CNTNAP2: variants seen among roughly 807,000 people sequenced by gnomAD.
CNTNAP2 encodes contactin-associated protein-like 2.
CNTNAP2 carries 98 observed loss-of-function variants against 155.2 expected under a neutral mutation model. The ratio of observed to expected loss-of-function variants is 0.63; its 90% CI spans 0.54 to 0.75. CNTNAP2 has a LOEUF of 0.75. CNTNAP2 is among the 30% of genes least tolerant of loss of function. The pLI is 0.00. For missense variants in CNTNAP2, 1,727 were observed against 1,688.1 expected (o/e 1.02, Z -0.40); for synonymous variants, 651 against 631.2 (o/e 1.03, Z -0.47).
At chr7:146,846,122 G>A (rs566183030) in intron 3 of CNTNAP2, among the ~76,000 whole-genome samples, 8 of 152,136 alleles carry the variant, frequency 5.3e-5, no homozygotes, top group South Asian at 2.1e-4. Context: ...CCATCCTGTC[G>A]CCTGCCCCTA....
chr7:147,407,467 CAAAAAAAAAAAAAAAAAAAAA>C (rs768738493), intron 10 of CNTNAP2, among the ~76,000 whole-genome samples: 12 of 64,904 alleles, frequency 1.8e-4, no homozygotes, highest in Middle Eastern at 0.013. Context: ...GACTCCCTCT[CAAAAAAAAAAAAAAAAAAAAA>C]AAAAAAAAAA....
At chr7:147,537,286 T>G (rs932354233) in intron 11 of CNTNAP2, among the ~76,000 whole-genome samples, 3 of 115,198 alleles carry the variant, frequency 2.6e-5, no homozygotes, top group East Asian at 6.2e-4. Context: ...ATTAAATTAT[T>G]TTGATTATTA....
chr7:146,725,370 A>G (rs1226079229), intron 1 of CNTNAP2, among the ~76,000 whole-genome samples: 1 of 152,096 alleles, frequency 6.6e-6, no homozygotes, highest in Admixed American at 6.5e-5. Flanking sequence ...GATGTAATCA[A>G]CCTCCATTTT....
rs115140253 is a variant in CNTNAP2, at chr7:146,633,402, A to G, written c.98-140869A>G. ...CATTCTACAGCATTTCTGGCAAATC[A>G]TAAATTAACCTACAGTAAATGACAT... On this transcript the variant is annotated intron_variant, in intron 1 of 23. Transcript: ENST00000361727. Among the ~76,000 whole-genome samples the G allele has an allele frequency of 5.5e-3, 838 of 152,308 alleles. 3 individuals carry two copies. The highest frequency in any genetic ancestry group is 0.018 in the African/African-American group (752 of 41,562).
intron 12 of CNTNAP2, among the ~76,000 whole-genome samples, chr7:147,594,954 G>A (rs1293682548): frequency 6.6e-6 from 1 of 151,994 alleles, no homozygotes; most frequent in Non-Finnish European, 1.5e-5. Context: ...GAAGAGAAAG[G>A]GGTAGAATGA....
intron 11 of CNTNAP2, among the ~76,000 whole-genome samples, chr7:147,491,304 C>T (rs1222724120): frequency 1.3e-5 from 2 of 151,980 alleles, no homozygotes; most frequent in African/African-American, 2.4e-5. Flanking sequence ...ATACCCTTGC[C>T]CCTCCTATAC....
intron 3 of CNTNAP2, among the ~76,000 whole-genome samples, chr7:146,891,063 A>G (rs1795765693): frequency 6.6e-6 from 1 of 152,368 alleles, no homozygotes; most frequent in Non-Finnish European, 1.5e-5. Context: ...CTATGCAGCC[A>G]CAAAAAATAA....
intron 1 of CNTNAP2, among the ~76,000 whole-genome samples, chr7:146,479,008 T>C (rs939090548): frequency 6.6e-6 from 1 of 152,176 alleles, no homozygotes; most frequent in Admixed American, 6.5e-5. Flanking sequence ...GCTTATTTAG[T>C]ATTGAAGTAG....
At chr7:146,585,081 G>A (rs534909394) in intron 1 of CNTNAP2, among the ~76,000 whole-genome samples, 2 of 151,546 alleles carry the variant, frequency 1.3e-5, no homozygotes, top group East Asian at 1.9e-4. Context: ...AAAATTATTG[G>A]CCCAAAGTTG....
At chr7:146,483,306 T>TATATATAC (rs1797002662) in intron 1 of CNTNAP2, among the ~76,000 whole-genome samples, 1 of 90,622 alleles carries the variant, frequency 1.1e-5, no homozygotes, top group African/African-American at 5.3e-5. Flanking sequence ...TATATATATA[T>TATATATAC]ATATATATAT....
At chr7:146,179,206 G>A (rs894797621) in intron 1 of CNTNAP2, among the ~76,000 whole-genome samples, 1 of 152,138 alleles carries the variant, frequency 6.6e-6, no homozygotes, top group South Asian at 2.1e-4. Flanking sequence ...GATAATGAAA[G>A]CTATGATCAG....
chr7:148,374,977 A>G (rs1257929558), intron 21 of CNTNAP2, among the ~76,000 whole-genome samples: 5 of 152,150 alleles, frequency 3.3e-5, no homozygotes, highest in Admixed American at 6.5e-5. Flanking sequence ...TGTTATTCTT[A>G]GCCCTAAAAA....
At chr7:146,643,900 G>T (rs945735462) in intron 1 of CNTNAP2, among the ~76,000 whole-genome samples, 1 of 151,674 alleles carries the variant, frequency 6.6e-6, no homozygotes, top group Non-Finnish European at 1.5e-5. Context: ...TGGATTCCTA[G>T]GTATTTTATT....
chr7:146,333,075 G>A lies in CNTNAP2; in HGVS notation c.97+216102G>A, dbSNP rs139622304. Among the ~76,000 whole-genome samples the A allele has an allele frequency of 3.8e-3, 581 of 151,258 alleles. 2 individuals carry two copies. The highest frequency in any genetic ancestry group is 0.013 in the African/African-American group (545 of 41,198). On this transcript the variant is annotated intron_variant, in intron 1 of 23. Coordinates refer to ENST00000361727, the MANE Select transcript of CNTNAP2 (RefSeq NM_014141.6). ...TCTCCTGCCTCAGCCTCTCGAGTAG[G>A]TAGGATTATAGGCGTGTGCCACTAC...
chr7:146,258,074 T>C (rs1799866342), intron 1 of CNTNAP2, among the ~76,000 whole-genome samples: 1 of 152,078 alleles, frequency 6.6e-6, no homozygotes, highest in South Asian at 2.1e-4. Flanking sequence ...GTATTTTCAG[T>C]AGAGACAGGG....
At chr7:147,535,183 A>C (rs1358297684) in intron 11 of CNTNAP2, among the ~76,000 whole-genome samples, 1 of 152,204 alleles carries the variant, frequency 6.6e-6, no homozygotes, top group Non-Finnish European at 1.5e-5. Context: ...ACCTGAGGTC[A>C]GGAGTTTGAG....
chr7:147,076,224 T>C (rs1184932614), intron 4 of CNTNAP2, among the ~76,000 whole-genome samples: 1 of 152,196 alleles, frequency 6.6e-6, no homozygotes, highest in Non-Finnish European at 1.5e-5. Flanking sequence ...TCCACAAAGG[T>C]TGAACTAGTT....
chr7:146,922,413 T>C (rs1315913475), intron 3 of CNTNAP2, among the ~76,000 whole-genome samples: 1 of 152,060 alleles, frequency 6.6e-6, no homozygotes, highest in East Asian at 1.9e-4. Flanking sequence ...TACAAAAAAG[T>C]CCCCCCATGT....
At chr7:147,068,715 G>T (rs996316833) in intron 4 of CNTNAP2, among the ~76,000 whole-genome samples, 2 of 152,158 alleles carry the variant, frequency 1.3e-5, no homozygotes, top group Non-Finnish European at 2.9e-5. Context: ...AGTCTAGCTG[G>T]TCCTGGGCTT....
Sources: allele counts gnomAD v4.1 joint callset (sites outside exome capture counted in the v4.1 genomes callset), GRCh38; gene constraint gnomAD v4.1.1; transcripts MANE v1.5; gene names NCBI Gene and HGNC (gene_info 2026-07-23, HGNC 2026-07-21).